HIVEP3: variants seen among roughly 807,000 people sequenced by gnomAD.
The protein encoded by HIVEP3 is transcription factor HIVEP3.
HIVEP3 carries 49 observed loss-of-function variants against 152.8 expected under a neutral mutation model. The ratio of observed to expected loss-of-function variants is 0.32; its 90% CI spans 0.26 to 0.41. The LOEUF (loss-of-function observed/expected upper bound fraction) is 0.41. HIVEP3 is among the 10% of genes least tolerant of loss of function. HIVEP3 has a pLI of 1.00. For synonymous variants in HIVEP3, 1,269 were observed against 1,289.0 expected, an observed-to-expected ratio of 0.98 and a Z score of 0.33; for missense variants, 2,790 against 3,103.3, an observed-to-expected ratio of 0.90 and a Z score of 2.40.
At chr1:41,822,158 C>G in intron 1 of HIVEP3, among the ~76,000 whole-genome samples, 1 of 152,266 alleles carries the variant, frequency 6.6e-6, no homozygotes, top group African/African-American at 2.4e-5. Context: ...AGGCTGTTGT[C>G]TGTGTGGCCA....
intron 2 of HIVEP3, among the ~76,000 whole-genome samples, chr1:41,640,186 A>G (rs971496364): frequency 6.9e-6 from 1 of 145,160 alleles, no homozygotes; most frequent in East Asian, 2.1e-4. Context: ...CCAGGAGTCG[A>G]GGAGAATACC....
At position 41,824,739 on chromosome 1, in the gene HIVEP3, T is replaced by C. The variant is rs1166413706; in HGVS notation, c.-801+93674A>G. ...ACCAGATACCAAGCCCTGTTCCAAG[T>C]TAAATATATATATATATATATATAT... On this transcript the variant is annotated intron_variant, in intron 1 of 8. Coordinates refer to ENST00000372583, the MANE Select transcript of HIVEP3 (RefSeq NM_024503.5). Among the ~76,000 whole-genome samples the C allele has an allele frequency of 1.4e-4, 8 of 58,524 alleles. No individual in the cohort carries two copies. The Admixed American group carries it at 2.1e-3, about 16-fold the overall frequency. 38.4% of individuals were successfully genotyped at this position (58,524 alleles called of 152,430 possible). A position where few individuals can be genotyped will look rare whatever the true frequency, so the allele number is the denominator to read the frequency against.
intron 3 of HIVEP3, among the ~76,000 whole-genome samples, chr1:41,593,422 C>T (rs1282078924): frequency 6.6e-6 from 1 of 152,160 alleles, no homozygotes; most frequent in Non-Finnish European, 1.5e-5. Context: ...CTCAGCCAGT[C>T]CCTTACTGAT....
intron 1 of HIVEP3, among the ~76,000 whole-genome samples, chr1:41,822,676 G>A (rs1174834728): frequency 6.6e-6 from 1 of 152,154 alleles, no homozygotes; most frequent in African/African-American, 2.4e-5. Flanking sequence ...CCCCAGATTT[G>A]GGGGTTATCA....
At chr1:41,688,702 C>T (rs1646148934) in intron 2 of HIVEP3, among the ~76,000 whole-genome samples, 1 of 152,248 alleles carries the variant, frequency 6.6e-6, no homozygotes, top group Non-Finnish European at 1.5e-5. Flanking sequence ...ACTCTTCTGA[C>T]AGAGAAGCAC....
At chr1:41,965,882 C>T (rs189657690) in intron 1 of HIVEP3, among the ~76,000 whole-genome samples, 90 of 152,246 alleles carry the variant, frequency 5.9e-4, no homozygotes, top group African/African-American at 2.1e-3. Context: ...CCAGAGAACT[C>T]CAGTAAAATA....
At chr1:41,624,097 G>A (rs1015771540) in intron 3 of HIVEP3, among the ~76,000 whole-genome samples, 7 of 152,250 alleles carry the variant, frequency 4.6e-5, no homozygotes, top group East Asian at 3.9e-4. Flanking sequence ...CCTGGGTTGC[G>A]AAGAGTACTA....
Position 41,624,473 on chromosome 1 carries a change from C to G in HIVEP3, c.-522+4276G>C, listed in dbSNP as rs148678000. Among the ~76,000 whole-genome samples, 812 of 152,282 alleles carry G rather than the reference C, an allele frequency of 5.3e-3. 9 individuals carry two copies. The highest frequency in any genetic ancestry group is 0.019 in the African/African-American group (773 of 41,546). ...GTTTGTGCAGACCTCAGATGAAGGT[C>G]TGGGTAGATCTTGACCTTCACCGTT... is the stretch of plus-strand genomic sequence containing the variant. On this transcript the variant is annotated intron_variant, in intron 3 of 8. Coordinates refer to ENST00000372583, the MANE Select transcript of HIVEP3 (RefSeq NM_024503.5).
At chr1:41,594,989 C>G (rs1223815042) in intron 3 of HIVEP3, among the ~76,000 whole-genome samples, 1 of 152,082 alleles carries the variant, frequency 6.6e-6, no homozygotes, top group Non-Finnish European at 1.5e-5. Flanking sequence ...TTGAATAGTC[C>G]ACCTCCCCAC....
chr1:41,581,945 C>G lies in HIVEP3; in HGVS notation c.2853G>C (p.Arg951Ser). 6.2e-7 allele frequency: 1 copy of G among 1,614,152 alleles called. No homozygotes were observed. Among genetic ancestry groups the G allele is most frequent in the Non-Finnish European group, 8.5e-7 (1 of 1,180,034 alleles). Reference sequence around the variant, plus strand: ...GGGCCTCGGCTTTCCCATGGTCATCCCTCTCAAACGAGGCTGAGCGGCTGG... The same window carrying G: ...GGGCCTCGGCTTTCCCATGGTCATCGCTCTCAAACGAGGCTGAGCGGCTGG... ...SGSSRSASFE[R>S]DDHGKAEAPS... The change falls in exon 4 of 9, where the codon AGG becomes AGC. Residue 951 changes from arginine (R) to serine (S), a missense_variant. Arg to Ser is a moderately radical substitution (Grantham distance 110). Coordinates refer to ENST00000372583, the MANE Select transcript of HIVEP3 (RefSeq NM_024503.5). This position sits in a 1 kb window ranked among gnomAD's most constrained non-coding sequence, Gnocchi z 4.5.
chr1:41,779,802 C>T, intron 1 of HIVEP3, among the ~76,000 whole-genome samples: 1 of 152,152 alleles, frequency 6.6e-6, no homozygotes, highest in East Asian at 1.9e-4. Flanking sequence ...TGGCCAGAAG[C>T]CCCTCCTTAC....
chr1:41,875,215 C>T (rs2124418978), intron 1 of HIVEP3, among the ~76,000 whole-genome samples: 1 of 152,350 alleles, frequency 6.6e-6, no homozygotes, highest in South Asian at 2.1e-4. Flanking sequence ...GGCTCTACTG[C>T]TCTCAGCCCC....
intron 1 of HIVEP3, among the ~76,000 whole-genome samples, chr1:41,814,096 A>C (rs1222091963): frequency 6.6e-6 from 1 of 152,218 alleles, no homozygotes; most frequent in Non-Finnish European, 1.5e-5. Context: ...CTTGCTGTCC[A>C]AGGGAAATCC....
intron 1 of HIVEP3, among the ~76,000 whole-genome samples, 178 bp from the exon 2 acceptor site, chr1:41,701,173 C>T (rs1372823950): frequency 6.6e-6 from 1 of 152,226 alleles, no homozygotes; most frequent in African/African-American, 2.4e-5. Context: ...GCGGATGAAA[C>T]CACAGCCTCA....
At chr1:41,874,770 A>ACAAT (rs1191859212) in intron 1 of HIVEP3, among the ~76,000 whole-genome samples, 3 of 152,090 alleles carry the variant, frequency 2.0e-5, no homozygotes, top group Non-Finnish European at 2.9e-5. Context: ...AAACAAACAA[A>ACAAT]CAGAGGCCCT....
At chr1:42,033,056 C>T (rs538454576) in intron 1 of HIVEP3, among the ~76,000 whole-genome samples, 5 of 152,098 alleles carry the variant, frequency 3.3e-5, no homozygotes, top group African/African-American at 1.2e-4. Context: ...GGGACAGGTG[C>T]CCGCATGCAG....
rs1340904295 is a variant in HIVEP3 at position 41,512,888 on chromosome 1, C to G, written c.6333G>C (p.Arg2111=). The change falls in exon 8 of 9, where the codon CGG becomes CGC. Residue 2111 remains arginine, a synonymous_variant. Transcript: ENST00000372583. ...EHGPGLGLDP[R]VLFPPAPLPH... ...GTAGAGGCGCGGGCGGGAAGAGAACCCGTGGGTCCAGCCCCAAGCCTGGGC... is the reference window on the plus strand; with the variant it reads ...GTAGAGGCGCGGGCGGGAAGAGAACGCGTGGGTCCAGCCCCAAGCCTGGGC... The G allele has an allele frequency of 6.4e-7, 1 of 1,567,802 alleles. No individual in the cohort carries two copies. Among genetic ancestry groups the G allele is most frequent in the African/African-American group, 1.4e-5 (1 of 73,668 alleles).
At chr1:41,597,963 C>T (rs1644690798) in intron 3 of HIVEP3, among the ~76,000 whole-genome samples, 2 of 152,196 alleles carry the variant, frequency 1.3e-5, no homozygotes, top group Admixed American at 1.3e-4. Flanking sequence ...TAGCTATCCA[C>T]CTACCTATCT....
At chr1:41,666,936 C>G (rs996961887) in intron 2 of HIVEP3, among the ~76,000 whole-genome samples, 4 of 152,190 alleles carry the variant, frequency 2.6e-5, no homozygotes, top group Non-Finnish European at 4.4e-5. Flanking sequence ...TCTGAGCCTT[C>G]CAAGCACATT....
Sources: gnomAD v4.1 joint callset for allele counts (sites outside exome capture counted in the v4.1 genomes callset) on GRCh38, gnomAD v4.1.1 for gene constraint, Gnocchi (gnomAD v3.1) non-coding constraint, MANE v1.5 for transcripts, NCBI Gene and HGNC (gene_info 2026-07-23, HGNC 2026-07-21) for gene names.